CDC42BPA: variants seen among roughly 807,000 people sequenced by gnomAD.
CDC42BPA encodes the protein CDC42 binding protein kinase alpha, also known as serine/threonine-protein kinase MRCK alpha.
In CDC42BPA, 80 loss-of-function variants were observed where a neutral mutation model predicts 223.5. That is an observed-to-expected ratio of 0.36 (90% CI 0.30 to 0.43). The LOEUF is 0.43. Among genes scored for constraint, CDC42BPA ranks in the 20% least tolerant of loss-of-function variants. CDC42BPA has a pLI of 1.00. For synonymous variants in CDC42BPA, 694 were observed against 718.6 expected, an observed-to-expected ratio of 0.97 and a Z score of 0.55; for missense variants, 1,743 against 2,099.9, an observed-to-expected ratio of 0.83 and a Z score of 3.32.
intron 1 of CDC42BPA, among the ~76,000 whole-genome samples, chr1:227,309,688 G>C (rs1693187913): frequency 6.6e-6 from 1 of 152,168 alleles, no homozygotes. Context: ...AGTAATGAAA[G>C]CTGTAAAAAA....
chr1:227,155,337 T>C (rs1662538491), intron 6 of CDC42BPA, among the ~76,000 whole-genome samples: 1 of 152,190 alleles, frequency 6.6e-6, no homozygotes, highest in African/African-American at 2.4e-5. Context: ...TCTAGAATAC[T>C]ATGTCCAGAC....
intron 1 of CDC42BPA, among the ~76,000 whole-genome samples, chr1:227,313,331 T>G (rs906932482): frequency 2.0e-5 from 3 of 152,210 alleles, no homozygotes; most frequent in Non-Finnish European, 4.4e-5. Flanking sequence ...TATTCCATCA[T>G]GAATGCCAGT....
chr1:227,267,111 A>T (rs146440016), intron 1 of CDC42BPA, among the ~76,000 whole-genome samples: 1 of 152,310 alleles, frequency 6.6e-6, no homozygotes, highest in African/African-American at 2.4e-5. Flanking sequence ...ATATCACAAA[A>T]AGTTTGGTCC....
chr1:227,201,234 C>T (rs1483388921), intron 3 of CDC42BPA, among the ~76,000 whole-genome samples: 1 of 152,098 alleles, frequency 6.6e-6, no homozygotes, highest in Non-Finnish European at 1.5e-5. Flanking sequence ...GCAGCCCAGG[C>T]TCCTGGGCTC....
At chr1:227,313,975 A>G (rs1008184789) in intron 1 of CDC42BPA, among the ~76,000 whole-genome samples, 2 of 132,738 alleles carry the variant, frequency 1.5e-5, no homozygotes, top group African/African-American at 5.5e-5. Flanking sequence ...ATGTACAGAC[A>G]GCCTTGCATA....
intron 16 of CDC42BPA, among the ~76,000 whole-genome samples, 188 bp from the exon 17 acceptor site, chr1:227,081,205 C>A (rs1258791784): frequency 1.3e-5 from 2 of 152,096 alleles, no homozygotes; most frequent in East Asian, 1.9e-4. Flanking sequence ...TTGCTTTTCC[C>A]TTACAACCTA....
rs936479355 is a variant in CDC42BPA at position 227,283,893 on chromosome 1, C to T, written c.179-29738G>A. ...TGAGATGGGATTTTGCCATGTTGGC[C>T]GGGATTTTGCCCAAATTAGCTGGGC... is the stretch of plus-strand genomic sequence containing the variant. On this transcript the variant is annotated intron_variant, in intron 1 of 36. Transcript: ENST00000366766. Among the ~76,000 whole-genome samples the T allele has an allele frequency of 1.3e-4, 20 of 152,098 alleles. No homozygotes were observed. In the East Asian group the frequency reaches 1.7e-3, roughly 13 times the overall value.
At chr1:227,292,853 T>C (rs1296299783) in intron 1 of CDC42BPA, among the ~76,000 whole-genome samples, 1 of 152,178 alleles carries the variant, frequency 6.6e-6, no homozygotes, top group Non-Finnish European at 1.5e-5. Flanking sequence ...CCCATATTTC[T>C]CTCTCCTGAA....
chr1:227,189,851 G>C (rs7527825), intron 5 of CDC42BPA, among the ~76,000 whole-genome samples: 137,243 of 152,148 alleles, frequency 0.9, 62,342 homozygotes, highest in Middle Eastern at 0.96. Context: ...CTAGTCCCTT[G>C]TTGTATTCTC....
intron 29 of CDC42BPA, 100 bp from the exon 30 acceptor site, chr1:227,029,350 CG>C (rs768981857): frequency 6.7e-6 from 5 of 741,572 alleles, no homozygotes; most frequent in Non-Finnish European, 1.1e-5. Context: ...GATGCACATA[CG>C]GAAGAATAAG....
At chr1:227,192,090 G>A (rs561094678) in intron 5 of CDC42BPA, among the ~76,000 whole-genome samples, 1 of 151,832 alleles carries the variant, frequency 6.6e-6, no homozygotes, top group East Asian at 1.9e-4. Flanking sequence ...GCCAAACAGA[G>A]ATCTGATAAA....
At chr1:227,257,274 A>G (rs920908871) in intron 1 of CDC42BPA, among the ~76,000 whole-genome samples, 1 of 152,168 alleles carries the variant, frequency 6.6e-6, no homozygotes, top group Non-Finnish European at 1.5e-5. Flanking sequence ...TGGTTGTTAC[A>G]TAATATTATA....
chr1:227,256,627 T>C (rs1011023482), intron 1 of CDC42BPA, among the ~76,000 whole-genome samples: 4 of 151,994 alleles, frequency 2.6e-5, no homozygotes, highest in Non-Finnish European at 4.4e-5. Flanking sequence ...TTTTTTAAAT[T>C]AATTAAATAA....
intron 30 of CDC42BPA, among the ~76,000 whole-genome samples, chr1:227,027,751 A>G (rs1233579769): frequency 6.6e-6 from 1 of 152,148 alleles, no homozygotes; most frequent in Non-Finnish European, 1.5e-5. Context: ...CATTGCTGTT[A>G]ACTCATATTC....
chr1:227,110,547 G>C (rs1383203605), intron 14 of CDC42BPA, among the ~76,000 whole-genome samples: 2 of 152,100 alleles, frequency 1.3e-5, no homozygotes, highest in Non-Finnish European at 2.9e-5. Context: ...TATCACTTAT[G>C]ACTCTAAAAT....
At chr1:227,220,183 C>T (rs1215236755) in intron 2 of CDC42BPA, among the ~76,000 whole-genome samples, 1 of 151,556 alleles carries the variant, frequency 6.6e-6, no homozygotes, top group Non-Finnish European at 1.5e-5. Flanking sequence ...GCAAATTTGG[C>T]TGTCCTTAAG....
chr1:227,228,667 A>G (rs962506579), intron 2 of CDC42BPA, among the ~76,000 whole-genome samples: 1 of 144,704 alleles, frequency 6.9e-6, no homozygotes, highest in Non-Finnish European at 1.5e-5. Context: ...AAGCTTTCCA[A>G]TTTCCCTATA....
intron 14 of CDC42BPA, among the ~76,000 whole-genome samples, chr1:227,102,058 A>G (rs1685134673): frequency 6.6e-6 from 1 of 152,166 alleles, no homozygotes; most frequent in Non-Finnish European, 1.5e-5. Flanking sequence ...AAAACTTTTA[A>G]AACTAAAAGA....
chr1:227,200,438 A>AAC (rs1553391989), intron 3 of CDC42BPA, among the ~76,000 whole-genome samples: 28,690 of 95,832 alleles, frequency 0.3, 3,122 homozygotes, highest in African/African-American at 0.36. Context: ...CTTAAAAAAC[A>AAC]AACAAACAAA....
Sources: allele counts gnomAD v4.1 joint callset (sites outside exome capture counted in the v4.1 genomes callset), GRCh38; gene constraint gnomAD v4.1.1; transcripts MANE v1.5; gene names NCBI Gene and HGNC (gene_info 2026-07-23, HGNC 2026-07-21).